ELOA2: variants seen among roughly 807,000 people sequenced by gnomAD.
The protein encoded by ELOA2 is elongin A2, also known as elongin-A2.
For missense variants in ELOA2, 1,271 were observed against 979.7 expected (o/e 1.30, Z -3.97); for synonymous variants, 497 against 398.8 (o/e 1.25, Z -2.94).
rs754698908 is a variant in ELOA2, at chr18:47,033,627, G to A, written c.1638C>T (p.Asp546=). Residue 546 remains aspartate (D), a synonymous_variant, in exon 1 of 1, where the codon GAC becomes GAT. Coordinates refer to ENST00000332567, the MANE Select transcript of ELOA2 (RefSeq NM_016427.3). ...GAACCCAGTAGGGGACCTCTCCCAC[G>A]TCGCTGAGGGCGTCCGGATTGTTTC... ...VLRNNPDALS[D]VGEVPYWVLE... The A allele has an allele frequency of 1.2e-6, 2 of 1,614,168 alleles. No homozygotes were observed. Among genetic ancestry groups the A allele is most frequent in the Non-Finnish European group, 1.7e-6 (2 of 1,180,032 alleles).
chr18:47,034,360 T>C lies in ELOA2; in HGVS notation c.905A>G (p.Asp302Gly). The change falls in exon 1 of 1, where the codon GAC (aspartate) becomes GGC (glycine). Residue 302 changes from aspartate to glycine, a missense_variant. Transcript: ENST00000332567. ...QRVPALEEAP[D>G]SHQKRPQHSH... is the part of the protein sequence containing the mutation. ...GTGCTGAGGCCTCTTCTGGTGACTG[T>C]CTGGAGCCTCCTCCAAGGCAGGGAC... The C allele has an allele frequency of 1.2e-6, 2 of 1,613,966 alleles. No homozygotes were observed. The highest frequency in any genetic ancestry group is 2.2e-5 in the South Asian group (2 of 91,074).
Position 47,032,742 on chromosome 18 carries a change from A to G in ELOA2, c.*261T>C. 1.7e-6 allele frequency: 1 copy of G among 595,316 alleles called. No homozygotes were observed. Among genetic ancestry groups the G allele is most frequent in the South Asian group, 2.3e-5 (1 of 43,966 alleles). 36.9% of individuals were successfully genotyped at this position (595,316 alleles called of 1,614,324 possible). A position where few individuals can be genotyped will look rare whatever the true frequency, so the allele number is the denominator to read the frequency against. ...TACAACTAGGGTGTTTTTAAAAATT[A>G]TCAGTGAACATCCAAAATAGAATTG... On this transcript the variant is annotated 3_prime_UTR_variant, in exon 1 of 1. Transcript: ENST00000332567.
At position 47,035,004 on chromosome 18, in the gene ELOA2, T is replaced by C. The variant is rs369869067; in HGVS notation, c.261A>G (p.Pro87=). The stretch of plus-strand genomic sequence containing the variant: ...GGGAAGCGCTCTCCTCAGGGTCCTG[T>C]GGGCCAGGCCGGGTGTTTCGGTCCA... ...VLVDRNTRPG[P]QDPEESASRQ... The change falls in exon 1 of 1, where the codon CCA becomes CCG. Residue 87 remains proline, a synonymous_variant. Coordinates refer to ENST00000332567, the MANE Select transcript of ELOA2 (RefSeq NM_016427.3). 279 of 1,611,258 alleles carry C rather than the reference T, an allele frequency of 1.7e-4. 2 individuals are homozygous for C. In the African/African-American group the frequency reaches 2.7e-3, roughly 15 times the overall value.
rs199707362 is a variant in ELOA2 at position 47,034,337 on chromosome 18, G to A, written c.928C>T (p.His310Tyr). ...APDSHQKRPQ[H>Y]SHSNKKRPSL... ...GGCCTCTTCTTGTTCGAGTGACTGT[G>A]CTGAGGCCTCTTCTGGTGACTGTCT... Residue 310 changes from histidine to tyrosine, a missense_variant, in exon 1 of 1, where the codon CAC (histidine) becomes TAC (tyrosine). Physicochemically the swap from His to Tyr is moderately conservative, Grantham distance 83 (BLOSUM62 2). Transcript: ENST00000332567. 2.5e-6 allele frequency: 4 copies of A among 1,613,424 alleles called. No individual in the cohort carries two copies. In the East Asian group the frequency reaches 6.7e-5, roughly 27 times the overall value.
rs577341359 is a variant in ELOA2 at position 47,033,157 on chromosome 18, C to T, written c.2108G>A (p.Arg703His). Residue 703 changes from arginine to histidine, a missense_variant, in exon 1 of 1, where the codon CGC becomes CAC. Physicochemically the swap from Arg to His is conservative, Grantham distance 29. Transcript: ENST00000332567. Reference protein sequence around the residue: ...GGRDSSSSILRWLPEKRANPC... With the variant: ...GGRDSSSSILHWLPEKRANPC... ...GTTGGCCCGCTTCTCAGGGAGCCAG[C>T]GAAGGATGCTGCTGCTGCTGTCTCT... The T allele has an allele frequency of 2.5e-6, 4 of 1,613,924 alleles. No homozygotes were observed. The highest frequency in any genetic ancestry group is 1.7e-5 in the Admixed American group (1 of 60,004).
rs2010834 is a variant in ELOA2, at chr18:47,034,504, C to A, written c.761G>T (p.Cys254Phe). The A allele has an allele frequency of 0.48, 772,150 of 1,613,970 alleles. 187,751 individuals are homozygous for A. The highest frequency in any genetic ancestry group is 0.7 in the East Asian group (31,323 of 44,842). The part of the protein sequence containing the change: ...HSPTLIREKS[C>F]GACLREETPR... ...GGTTTCCTCTCTTAAGCAGGCCCCG[C>A]ATGATTTCTCCCTGATCAAAGTAGG... The change falls in exon 1 of 1, where the codon TGC becomes TTC. Residue 254 changes from cysteine to phenylalanine, a missense_variant. Transcript: ENST00000332567.
chr18:47,035,296 G>C lies in ELOA2; in HGVS notation c.-32C>G, dbSNP rs746768827. 9.0e-5 allele frequency: 145 copies of C among 1,611,522 alleles called. No individual in the cohort carries two copies. Among genetic ancestry groups the C allele is most frequent in the Non-Finnish European group, 1.1e-4 (127 of 1,179,530 alleles). ...AGAGCTGTGCAGGCGTCGCTGTCCC[G>C]GCGGTCGCAGCTCTGTCTTTGGGGC... On this transcript the variant is annotated 5_prime_UTR_variant, in exon 1 of 1. Coordinates refer to ENST00000332567, the MANE Select transcript of ELOA2 (RefSeq NM_016427.3).
rs745475816 is a variant in ELOA2 at position 47,033,449 on chromosome 18, C to T, written c.1816G>A (p.Glu606Lys). ...EKPQENKTWR[E>K]QYLRLPDAPE... ...GCGTCCGGAAGCCGCAGGTACTGCT[C>T]CCTCCAAGTTTTGTTTTCCTGTGGC... Residue 606 changes from glutamate to lysine, a missense_variant, in exon 1 of 1, where the codon GAG becomes AAG. By Grantham distance (56) the Glu-to-Lys change is moderately conservative. Transcript: ENST00000332567. The T allele has an allele frequency of 5.0e-5, 80 of 1,613,806 alleles. No homozygotes were observed. In the South Asian group the frequency reaches 7.9e-4, roughly 16 times the overall value.
In ELOA2 at chr18:47,032,816, G is replaced by T; in HGVS notation, c.*187C>A. 2 of 1,035,906 alleles carry T rather than the reference G, an allele frequency of 1.9e-6. No homozygotes were observed. The highest frequency in any genetic ancestry group is 1.6e-5 in the African/African-American group (1 of 62,218). The allele number at this position is 1,035,906 out of a possible 1,614,324, so 64.2% of individuals were successfully genotyped here. A position where few individuals can be genotyped will look rare whatever the true frequency, so the allele number is the denominator to read the frequency against. ...GAATTCTGAGGTGTTCTCCAAGCTG[G>T]GAGGTAGTGGCTGGGTGTGGGAGGC... On this transcript the variant is annotated 3_prime_UTR_variant, in exon 1 of 1. Transcript: ENST00000332567.
In ELOA2 at chr18:47,033,802, T is replaced by G. The variant is rs1279329299; in HGVS notation, c.1463A>C (p.Lys488Thr). 3 of 1,614,066 alleles carry G rather than the reference T, an allele frequency of 1.9e-6. No individual in the cohort carries two copies. In the Admixed American group the frequency reaches 5.0e-5, roughly 27 times the overall value. The stretch of plus-strand genomic sequence containing the variant: ...CTTTGGTGAAGAGAGTGCTTCTGGC[T>G]TTGCCTGGGAGGTCATGGAGTCAGA... ...SDSDSMTSQA[K>T]PEALSSPKFR... The change falls in exon 1 of 1, where the codon AAG becomes ACG. Residue 488 changes from lysine (K) to threonine (T), a missense_variant. Coordinates refer to ENST00000332567, the MANE Select transcript of ELOA2 (RefSeq NM_016427.3).
Position 47,033,843 on chromosome 18 carries a change from G to A in ELOA2, c.1422C>T (p.Tyr474=), listed in dbSNP as rs767164138. The part of the protein sequence containing the change: ...DLSEAWMQAN[Y]DPLSDSDSMT... ...TGGAGTCAGAATCCGAAAGCGGATC[G>A]TAGTTGGCCTGCATCCAGGCCTCTG... The change falls in exon 1 of 1, where the codon TAC becomes TAT. Residue 474 remains tyrosine (Y), a synonymous_variant. Transcript: ENST00000332567. 1 of 1,614,126 alleles carries A rather than the reference G, an allele frequency of 6.2e-7. No homozygotes were observed.
Position 47,034,708 on chromosome 18 carries a change from G to T in ELOA2, c.557C>A (p.Pro186His). 2 of 1,613,008 alleles carry T rather than the reference G, an allele frequency of 1.2e-6. No individual in the cohort carries two copies. Among genetic ancestry groups the T allele is most frequent in the Non-Finnish European group, 1.7e-6 (2 of 1,179,892 alleles). ...TCCGGGTTGCTTCCCGGGCGCAGCGGGCTCAGGGCCCTCGGGCATCCGGAG... is the reference window on the plus strand; with the variant it reads ...TCCGGGTTGCTTCCCGGGCGCAGCGTGCTCAGGGCCCTCGGGCATCCGGAG... ...APLRMPEGPE[P>H]AAPGKQPGRG... is the part of the protein sequence containing the mutation. The change falls in exon 1 of 1, where the codon CCC becomes CAC. Residue 186 changes from proline to histidine, a missense_variant. Coordinates refer to ENST00000332567, the MANE Select transcript of ELOA2 (RefSeq NM_016427.3).
chr18:47,035,055 C>T lies in ELOA2; in HGVS notation c.210G>A (p.Ala70=), dbSNP rs549058301. ...QHVGDFARDL[A]ARWKKLVLVD... Reference sequence around the variant, plus strand: ...CGAGCACCAGCTTCTTCCACCGGGCCGCTAAGTCTCTGGCAAAGTCGCCCA... The same window carrying T: ...CGAGCACCAGCTTCTTCCACCGGGCTGCTAAGTCTCTGGCAAAGTCGCCCA... Residue 70 remains alanine (A), a synonymous_variant, in exon 1 of 1, where the codon GCG becomes GCA. Coordinates refer to ENST00000332567, the MANE Select transcript of ELOA2 (RefSeq NM_016427.3). The T allele has an allele frequency of 6.8e-6, 11 of 1,611,826 alleles. No individual in the cohort carries two copies. Among genetic ancestry groups the T allele is most frequent in the South Asian group, 6.6e-5 (6 of 90,970 alleles).
rs111815744 is a variant in ELOA2 at position 47,034,156 on chromosome 18, A to G, written c.1109T>C (p.Val370Ala). ...CTGCTCGAATTCCTCAGCCATATCT[A>G]CCTCCTCCACCTCAGAGAGGGAGCT... ...SVSSLSEVEEVDMAEEFEQPT... is the reference protein window; with the variant it reads ...SVSSLSEVEEADMAEEFEQPT... The change falls in exon 1 of 1, where the codon GTA becomes GCA. Residue 370 changes from valine to alanine, a missense_variant. Val to Ala is a moderately conservative substitution (Grantham distance 64). Transcript: ENST00000332567. 9 of 1,613,960 alleles carry G rather than the reference A, an allele frequency of 5.6e-6. No individual in the cohort carries two copies. The highest frequency in any genetic ancestry group is 2.7e-5 in the African/African-American group (2 of 74,948).
chr18:47,034,568 C>A, the ELOA2 span: 2 of 1,614,208 alleles, frequency 1.2e-6, no homozygotes, highest in Non-Finnish European at 8.5e-7. Flanking sequence ...GGGCGTTTTT[C>A]CTGGCGAGAC....
Position 47,033,490 on chromosome 18 carries a change from T to G in ELOA2, c.1775A>C (p.Asp592Ala), listed in dbSNP as rs1405585808. The G allele has an allele frequency of 6.2e-7, 1 of 1,614,164 alleles. No individual in the cohort carries two copies. ...TTCCTGTGGCTTTTCTTCCTTGAAG[T>G]CCTGGAAACAATGATTCCTCCGTAA... ...DELRRNHCFQDFKEEKPQENK... is the reference protein window; with the variant it reads ...DELRRNHCFQAFKEEKPQENK... Residue 592 changes from aspartate to alanine, a missense_variant, in exon 1 of 1, where the codon GAC (aspartate) becomes GCC (alanine). Asp to Ala is a moderately radical substitution (Grantham distance 126). Coordinates refer to ENST00000332567, the MANE Select transcript of ELOA2 (RefSeq NM_016427.3).
Position 47,033,107 on chromosome 18 carries a change from G to A in ELOA2, c.2158C>T (p.His720Tyr), listed in dbSNP as rs2060560745. 6.2e-7 allele frequency: 1 copy of A among 1,614,052 alleles called. No individual in the cohort carries two copies. The highest frequency in any genetic ancestry group is 1.3e-5 in the African/African-American group (1 of 74,956). ...CGGGTTTTGGCCGCGGGCGCCGCGT[G>A]CTCATTGCTGCTGCTCAGGCAGGGG... ...ANPCLSSSNE[H>Y]AAPAAKTRKQ... Residue 720 changes from histidine (H) to tyrosine (Y), a missense_variant, in exon 1 of 1, where the codon CAC becomes TAC. Transcript: ENST00000332567.
At position 47,032,781 on chromosome 18, in the gene ELOA2, C is replaced by CA. The variant is rs1253341645; in HGVS notation, c.*221dup. ...AAAATAGAATTGTTCCCAATGCGTT[C>CA]ATATCTTCTGAATTCTGAGGTGTTC... On this transcript the variant is annotated 3_prime_UTR_variant, in exon 1 of 1. Coordinates refer to ENST00000332567, the MANE Select transcript of ELOA2 (RefSeq NM_016427.3). 17 of 765,966 alleles carry CA rather than the reference C, an allele frequency of 2.2e-5. No homozygotes were observed. Among genetic ancestry groups the CA allele is most frequent in the Non-Finnish European group, 3.1e-5 (15 of 483,522 alleles). The allele number at this position is 765,966 out of a possible 1,614,324, so 47.4% of individuals were successfully genotyped here. A position where few individuals can be genotyped will look rare whatever the true frequency, so the allele number is the denominator to read the frequency against.
At position 47,034,327 on chromosome 18, in the gene ELOA2, G is replaced by C. The variant is rs956577760; in HGVS notation, c.938C>G (p.Ser313Trp). The change falls in exon 1 of 1, where the codon TCG becomes TGG. Residue 313 changes from serine to tryptophan, a missense_variant. Transcript: ENST00000332567. ...GTCTAGACTGGGCCTCTTCTTGTTC[G>C]AGTGACTGTGCTGAGGCCTCTTCTG... Reference protein sequence around the residue: ...SHQKRPQHSHSNKKRPSLDGR... With the variant: ...SHQKRPQHSHWNKKRPSLDGR... The C allele has an allele frequency of 2.5e-6, 4 of 1,612,520 alleles. No homozygotes were observed. Among genetic ancestry groups the C allele is most frequent in the Admixed American group, 3.3e-5 (2 of 59,986 alleles).
Sources: allele counts gnomAD v4.1 joint callset, GRCh38; gene constraint gnomAD v4.1.1; transcripts MANE v1.5; gene names NCBI Gene and HGNC (gene_info 2026-07-23, HGNC 2026-07-21).